WRAP73: variants seen among roughly 807,000 people sequenced by gnomAD.
WRAP73 encodes the protein WD repeat containing, antisense to TP73.
A neutral mutation model predicts 59.6 loss-of-function variants in WRAP73; 55 were observed. The ratio of observed to expected loss-of-function variants is 0.92; its 90% CI spans 0.74 to 1.15. WRAP73 has a LOEUF of 1.15. WRAP73 is among the 50% of genes most tolerant of loss of function. The pLI is 0.00. For missense variants in WRAP73, 592 were observed against 608.1 expected (o/e 0.97, Z 0.28); for synonymous variants, 265 against 258.2 (o/e 1.03, Z -0.25).
chr1:3,633,062 G>C (rs958033536), intron 9 of WRAP73: 8 of 306,314 alleles, frequency 2.6e-5, no homozygotes, highest in South Asian at 2.9e-5. Flanking sequence ...AGCACCGCCG[G>C]GTTCCAGACC....
chr1:3,649,913 C>G lies in WRAP73; in HGVS notation c.69+18G>C. The G allele has an allele frequency of 5.7e-6, 9 of 1,591,612 alleles. No individual in the cohort carries two copies. Among genetic ancestry groups the G allele is most frequent in the Non-Finnish European group, 7.7e-6 (9 of 1,171,118 alleles). ...CACCGAGGATGTCCTGCCCGTGGCCCAGGTCCCCGCCGCTCACCAGGTACT... is the reference window on the plus strand; with the variant it reads ...CACCGAGGATGTCCTGCCCGTGGCCGAGGTCCCCGCCGCTCACCAGGTACT... On this transcript the variant is annotated intron_variant, in intron 1 of 11. Transcript: ENST00000270708.
At chr1:3,647,292 A>T in intron 2 of WRAP73, 116 bp downstream of exon 2, 3 of 1,119,302 alleles carry the variant, frequency 2.7e-6, no homozygotes, top group Non-Finnish European at 3.6e-6. Flanking sequence ...TCAAAAGAAA[A>T]CTGGCTTTGA....
rs192204128 is a variant in WRAP73, at chr1:3,649,371, G to C, written c.69+560C>G. ...TGTGGTAGAGGAGAAGAGAATTAGA[G>C]GAGAAGTAGAGATGACAAAGTAGCC... On this transcript the variant is annotated intron_variant, in intron 1 of 11. Coordinates refer to ENST00000270708, the MANE Select transcript of WRAP73 (RefSeq NM_017818.4). 9.2e-5 allele frequency among the ~76,000 whole-genome samples: 14 copies of C among 152,322 alleles called. No individual in the cohort carries two copies. In the East Asian group the frequency reaches 1.5e-3, roughly 17 times the overall value.
intron 10 of WRAP73, chr1:3,631,863 C>T: frequency 7.2e-7 from 1 of 1,398,266 alleles, no homozygotes. Flanking sequence ...GTAAGGGGCC[C>T]AAATGTGTTT....
At chr1:3,637,307 G>A (rs558315932) in intron 4 of WRAP73, among the ~76,000 whole-genome samples, 2 of 152,310 alleles carry the variant, frequency 1.3e-5, no homozygotes, top group East Asian at 1.9e-4. Flanking sequence ...CCCTCACAAC[G>A]CAGTGTGTGC....
rs1353091448 is a variant in WRAP73 at position 3,632,232 on chromosome 1, G to C, written c.1029C>G (p.Tyr343Ter). 9 of 1,613,974 alleles carry C rather than the reference G, an allele frequency of 5.6e-6. No homozygotes were observed. Among genetic ancestry groups the C allele is most frequent in the Non-Finnish European group, 7.6e-6 (9 of 1,179,892 alleles). ...IGMLAFSPDS[Y>*]FLATRNDNIP... ...ACTGACCGTTCCTTGTCGCCAGGAA[G>C]TAGCTGTCAGGACTAAATGCCAGCA... Residue 343 changes from tyrosine to a stop codon, truncating the protein, a stop_gained, in exon 10 of 12, where the codon TAC becomes TAG. Coordinates refer to ENST00000270708, the MANE Select transcript of WRAP73 (RefSeq NM_017818.4). LOFTEE classifies it high-confidence loss of function.
chr1:3,644,902 C>T (rs1644675182), intron 3 of WRAP73, among the ~76,000 whole-genome samples: 1 of 152,274 alleles, frequency 6.6e-6, no homozygotes, highest in South Asian at 2.1e-4. Context: ...TGACATGAGC[C>T]CTTCTCAAGG....
chr1:3,644,883 C>T (rs1421031373), intron 3 of WRAP73, among the ~76,000 whole-genome samples: 1 of 152,212 alleles, frequency 6.6e-6, no homozygotes, highest in African/African-American at 2.4e-5. Flanking sequence ...TACAACAAGG[C>T]TGACCCCATG....
intron 1 of WRAP73, among the ~76,000 whole-genome samples, chr1:3,647,781 T>C (rs1290923028): frequency 2.6e-5 from 4 of 152,244 alleles, no homozygotes; most frequent in East Asian, 3.8e-4. Context: ...CTATACTCTA[T>C]TGTAAAGTAT....
At chr1:3,641,057 G>C (rs1484323154) in intron 3 of WRAP73, among the ~76,000 whole-genome samples, 1 of 152,238 alleles carries the variant, frequency 6.6e-6, no homozygotes, top group Non-Finnish European at 1.5e-5. Flanking sequence ...AAGAAAAAAA[G>C]GTAGTTAAAT....
At position 3,649,943 on chromosome 1, in the gene WRAP73, G is replaced by C; in HGVS notation, c.57C>G (p.Asp19Glu). 1 of 1,602,914 alleles carries C rather than the reference G, an allele frequency of 6.2e-7. No homozygotes were observed. The highest frequency in any genetic ancestry group is 8.5e-7 in the Non-Finnish European group (1 of 1,175,992). Residue 19 changes from aspartate to glutamate, a missense_variant, in exon 1 of 12, where the codon GAC (aspartate) becomes GAG (glutamate). Coordinates refer to ENST00000270708, the MANE Select transcript of WRAP73 (RefSeq NM_017818.4). ...CCCCGCCGCTCACCAGGTACTTGCC[G>C]TCCGGGGAGAACTTGCAGAGTAAGC... Reference protein sequence around the residue: ...LSSLLCKFSPDGKYLASCVQY... With the variant: ...LSSLLCKFSPEGKYLASCVQY...
At chr1:3,638,663 G>A in intron 4 of WRAP73, 87 bp downstream of exon 4, 1 of 1,468,474 alleles carries the variant, frequency 6.8e-7, no homozygotes. Flanking sequence ...TGCTGCTGAA[G>A]CTACTTCTGC....
rs1234007530 is a variant in WRAP73 at position 3,632,312 on chromosome 1, A to G, written c.949T>C (p.Leu317=). 8 of 1,614,174 alleles carry G rather than the reference A, an allele frequency of 5.0e-6. No individual in the cohort carries two copies. The highest frequency in any genetic ancestry group is 1.3e-5 in the African/African-American group (1 of 75,064). Residue 317 remains leucine (L), a synonymous_variant, in exon 10 of 12, where the codon TTA becomes CTA. Coordinates refer to ENST00000270708, the MANE Select transcript of WRAP73 (RefSeq NM_017818.4). ...KYEIASVPVS[L]QTLKPVTDRA... is the part of the protein sequence containing the mutation. ...TCGGTAACAGGTTTCAGTGTCTGTA[A>G]GGAGACTGGGACAGAGGCGATCTCA...
At chr1:3,641,287 C>A (rs1406414537) in intron 3 of WRAP73, among the ~76,000 whole-genome samples, 4 of 152,204 alleles carry the variant, frequency 2.6e-5, no homozygotes, top group Non-Finnish European at 1.5e-5. Flanking sequence ...CACCACAACT[C>A]AGCATGCTCA....
intron 1 of WRAP73, 111 bp downstream of exon 1, chr1:3,649,820 A>T: frequency 8.4e-7 from 1 of 1,189,278 alleles, no homozygotes; most frequent in Non-Finnish European, 1.2e-6. Flanking sequence ...CGGGCACCGC[A>T]CCTGCAGGAT....
At position 3,631,003 on chromosome 1, in the gene WRAP73, G is replaced by A. The variant is rs373667773; in HGVS notation, c.1355C>T (p.Ala452Val). The change falls in exon 12 of 12, where the codon GCC becomes GTC. Residue 452 changes from alanine (A) to valine (V), a missense_variant. By Grantham distance (64) the Ala-to-Val change is moderately conservative. Coordinates refer to ENST00000270708, the MANE Select transcript of WRAP73 (RefSeq NM_017818.4). ...CGTGTGGCCGCCCAGCTGTCTGCAG[G>A]CTGTGCCGACCACTGCCTCTGTCTC... ...FLETEAVVGT[A>V]CRQLGGHT 8.1e-6 allele frequency: 13 copies of A among 1,612,924 alleles called. No individual in the cohort carries two copies. The highest frequency in any genetic ancestry group is 1.1e-5 in the Non-Finnish European group (13 of 1,180,000).
At chr1:3,638,918 G>A in intron 3 of WRAP73, 96 bp from the exon 4 acceptor site, 3 of 1,375,732 alleles carry the variant, frequency 2.2e-6, no homozygotes, top group Non-Finnish European at 3.1e-6. Flanking sequence ...CCAAGCACAG[G>A]CCTGACTGCT....
At chr1:3,634,770 A>G in intron 8 of WRAP73, 1 of 573,616 alleles carries the variant, frequency 1.7e-6, no homozygotes, top group South Asian at 1.9e-5. Context: ...GCAGCGGCAG[A>G]GGACAGGCCA....
rs374654046 is a variant in WRAP73, at chr1:3,636,987, C to A, written c.516+8G>T. ...GACAACTTTATTCCAGTCTGGGGGA[C>A]GCCTTACCCGCAGGAGCTGCCAATC... On this transcript the variant is annotated splice_region_variant and intron_variant, in intron 5 of 11. Transcript: ENST00000270708. The A allele has an allele frequency of 6.2e-7, 1 of 1,613,144 alleles. No homozygotes were observed. Among genetic ancestry groups the A allele is most frequent in the South Asian group, 1.1e-5 (1 of 91,012 alleles).
Sources: allele counts gnomAD v4.1 joint callset (sites outside exome capture counted in the v4.1 genomes callset), GRCh38; gene constraint gnomAD v4.1.1; transcripts MANE v1.5; gene names NCBI Gene and HGNC (gene_info 2026-07-23, HGNC 2026-07-21).